The following STPG2 variants were observed in gnomAD, a reference collection of about 807,000 sequenced individuals.
STPG2 encodes sperm tail PG-rich repeat containing 2.
In STPG2, 56 loss-of-function variants were observed where a neutral mutation model predicts 54.2. The ratio of observed to expected loss-of-function variants is 1.03; its 90% CI spans 0.83 to 1.29. The LOEUF is 1.29. Among genes scored for constraint, STPG2 ranks in the 50% most tolerant of loss-of-function variants. STPG2 has a pLI of 0.00. For missense variants in STPG2, 596 were observed against 544.9 expected (o/e 1.09, Z -0.93); for synonymous variants, 200 against 181.8 (o/e 1.10, Z -0.81).
intron 4 of STPG2, among the ~76,000 whole-genome samples, chr4:97,488,442 C>A (rs993359187): frequency 6.6e-6 from 1 of 151,698 alleles, no homozygotes; most frequent in South Asian, 2.1e-4. Context: ...TACATGCAAT[C>A]TGTCCCTAAA....
intron 9 of STPG2, among the ~76,000 whole-genome samples, chr4:97,833,023 A>G (rs1728515929): frequency 6.6e-6 from 1 of 152,166 alleles, no homozygotes; most frequent in Admixed American, 6.5e-5. Flanking sequence ...TAAATTTCAT[A>G]TGGAACCAAA....
chr4:97,623,807 G>T (rs535479212), intron 10 of STPG2, among the ~76,000 whole-genome samples: 55 of 151,976 alleles, frequency 3.6e-4, no homozygotes, highest in Non-Finnish European at 7.1e-4. Flanking sequence ...CCCACTGACA[G>T]TCCCCAGTGT....
At position 97,656,715 on chromosome 4, in the gene STPG2, G is replaced by A. The variant is rs114369379; in HGVS notation, c.1320+55984C>T. 4.2e-3 allele frequency among the ~76,000 whole-genome samples: 636 copies of A among 150,070 alleles called. 5 individuals are homozygous for A. The highest frequency in any genetic ancestry group is 0.015 in the African/African-American group (598 of 40,812). On this transcript the variant is annotated intron_variant, in intron 10 of 10. Transcript: ENST00000295268. The stretch of plus-strand genomic sequence containing the variant: ...TTAGATTGGCAACTAGATGGACATC[G>A]AATACTAGTATTGTGCATAGTTTTA...
intron 10 of STPG2, among the ~76,000 whole-genome samples, chr4:97,691,739 G>A (rs557176194): frequency 2.0e-5 from 3 of 152,198 alleles, no homozygotes; most frequent in Admixed American, 6.5e-5. Context: ...GAGGCAAAAC[G>A]ATACAAAACC....
intron 4 of STPG2, among the ~76,000 whole-genome samples, chr4:97,533,876 A>G (rs1004470117): frequency 5.3e-5 from 8 of 152,162 alleles, no homozygotes; most frequent in African/African-American, 1.9e-4. Flanking sequence ...AAATAAGATG[A>G]ATGAATAAAT....
At chr4:97,636,971 A>C (rs1400849318) in intron 10 of STPG2, among the ~76,000 whole-genome samples, 1 of 152,190 alleles carries the variant, frequency 6.6e-6, no homozygotes, top group Admixed American at 6.5e-5. Flanking sequence ...AAAAAGAGGG[A>C]ATCCTCCCTA....
At chr4:97,996,887 G>A (rs1735258206) in intron 5 of STPG2, among the ~76,000 whole-genome samples, 2 of 152,054 alleles carry the variant, frequency 1.3e-5, no homozygotes, top group Admixed American at 6.6e-5. Flanking sequence ...TGACAATCAG[G>A]TACCATTTCA....
intron 4 of STPG2, among the ~76,000 whole-genome samples, chr4:97,487,371 A>T (rs1483193199): frequency 1.3e-5 from 2 of 151,630 alleles, no homozygotes; most frequent in South Asian, 2.1e-4. Context: ...ACACAATATA[A>T]CTATCAAAAT....
intron 9 of STPG2, among the ~76,000 whole-genome samples, chr4:97,829,454 A>G (rs181795440): frequency 5.8e-4 from 88 of 152,294 alleles, no homozygotes; most frequent in African/African-American, 2.0e-3. Flanking sequence ...CAAAAACCAG[A>G]ACATCTCTTC....
chr4:97,486,800 C>G (rs1027146530), intron 4 of STPG2, among the ~76,000 whole-genome samples: 1 of 132,240 alleles, frequency 7.6e-6, no homozygotes, highest in African/African-American at 2.9e-5. Context: ...GATAAAGAAA[C>G]TGTGGTGTGT....
chr4:97,887,273 G>A (rs1038842741), intron 8 of STPG2, among the ~76,000 whole-genome samples: 5 of 152,160 alleles, frequency 3.3e-5, no homozygotes, highest in Non-Finnish European at 5.9e-5. Flanking sequence ...GAAGATGAGG[G>A]AAATTTTAGA....
chr4:97,984,117 A>C (rs1020297146), intron 5 of STPG2, among the ~76,000 whole-genome samples: 1 of 152,034 alleles, frequency 6.6e-6, no homozygotes, highest in African/African-American at 2.4e-5. Context: ...ATCCCAATAA[A>C]CCAACCTACT....
rs1292483665 is a variant in STPG2, at chr4:97,840,695, A to G, written c.1204+78T>C. On this transcript the variant is annotated intron_variant, in intron 9 of 10. Coordinates refer to ENST00000295268, the MANE Select transcript of STPG2 (RefSeq NM_174952.3). The stretch of plus-strand genomic sequence containing the variant: ...TTAACTTTTCAGTCTCCAAGAACCT[A>G]TCAATGATTCTAGATATTTTAATAT... 43 of 1,486,518 alleles carry G rather than the reference A, an allele frequency of 2.9e-5. 1 individual carries two copies. The highest frequency in any genetic ancestry group is 1.3e-5 in the South Asian group (1 of 75,772). 92.1% of individuals were successfully genotyped at this position (1,486,518 alleles called of 1,614,324 possible).
At chr4:97,741,164 A>G (rs1725218125) in intron 9 of STPG2, among the ~76,000 whole-genome samples, 2 of 152,292 alleles carry the variant, frequency 1.3e-5, no homozygotes, top group East Asian at 3.9e-4. Flanking sequence ...AGCCATATGT[A>G]GAAAGCTGAA....
intron 4 of STPG2, among the ~76,000 whole-genome samples, chr4:97,487,555 C>T (rs1367711866): frequency 2.0e-5 from 3 of 151,368 alleles, no homozygotes; most frequent in Non-Finnish European, 4.4e-5. Context: ...TACATCTTAA[C>T]ATCTCTAAAA....
chr4:97,752,057 A>T (rs1394263284), intron 9 of STPG2, among the ~76,000 whole-genome samples: 1 of 151,812 alleles, frequency 6.6e-6, no homozygotes, highest in Non-Finnish European at 1.5e-5. Flanking sequence ...AAAACTAAAA[A>T]CATTAAATAT....
intron 8 of STPG2, among the ~76,000 whole-genome samples, chr4:97,875,665 T>C (rs1223201646): frequency 6.6e-6 from 1 of 151,968 alleles, no homozygotes; most frequent in Non-Finnish European, 1.5e-5. Flanking sequence ...CAGTGTTTTT[T>C]AGAATTATAA....
intron 8 of STPG2, among the ~76,000 whole-genome samples, chr4:97,907,055 T>C (rs1245959768): frequency 4.6e-5 from 7 of 151,632 alleles, no homozygotes; most frequent in Admixed American, 3.9e-4. Flanking sequence ...GGTATTCAAT[T>C]AGGAAAAGAG....
chr4:97,551,358 A>G (rs1731962553), intron 4 of STPG2, among the ~76,000 whole-genome samples: 1 of 152,196 alleles, frequency 6.6e-6, no homozygotes, highest in Non-Finnish European at 1.5e-5. Context: ...AAAAAAAGAA[A>G]ATAAGCATCC....
Sources: allele counts gnomAD v4.1 joint callset (sites outside exome capture counted in the v4.1 genomes callset), GRCh38; gene constraint gnomAD v4.1.1; transcripts MANE v1.5; gene names NCBI Gene and HGNC (gene_info 2026-07-23, HGNC 2026-07-21).